ZNF683: variants seen among roughly 807,000 people sequenced by gnomAD.
ZNF683 encodes the protein tissue-resident T-cell transcription regulator protein ZNF683.
ZNF683 carries 20 observed loss-of-function variants against 31.4 expected under a neutral mutation model. That is an observed-to-expected ratio of 0.64 (90% confidence interval 0.45 to 0.93). The LOEUF (loss-of-function observed/expected upper bound fraction) is 0.93. ZNF683 is among the 40% of genes least tolerant of loss of function. The pLI is 0.00. For missense variants in ZNF683, 621 were observed against 637.2 expected (o/e 0.97, Z 0.27); for synonymous variants, 264 against 267.6 (o/e 0.99, Z 0.13).
intron 3 of ZNF683, 63 bp from the exon 4 acceptor site, chr1:26,365,289 A>G: frequency 6.7e-7 from 1 of 1,483,234 alleles, no homozygotes. Context: ...GTCCGCCATC[A>G]AACCTGCCCT....
chr1:26,367,159 G>A (rs1379835007), intron 3 of ZNF683, among the ~76,000 whole-genome samples: 1 of 152,040 alleles, frequency 6.6e-6, no homozygotes, highest in Non-Finnish European at 1.5e-5. Context: ...CAGCTACTCC[G>A]AGAGGCTGAG....
chr1:26,363,029 G>A lies in ZNF683; in HGVS notation c.1140C>T (p.Cys380=). Residue 380 remains cysteine (C), a synonymous_variant, in exon 5 of 6, where the codon TGC becomes TGT. Transcript: ENST00000349618. The part of the protein sequence containing the change: ...LVHTGERPHK[C]SVCHKRFSSS... ...AGTAGGGGGAGAAGGATCTCACCGA[G>A]CACTTGTGGGGCCGCTCCCCAGTGT... 6.2e-7 allele frequency: 1 copy of A among 1,609,616 alleles called. No individual in the cohort carries two copies. The highest frequency in any genetic ancestry group is 8.5e-7 in the Non-Finnish European group (1 of 1,177,680).
chr1:26,363,623 C>T (rs60769242), intron 4 of ZNF683, among the ~76,000 whole-genome samples: 3,447 of 150,992 alleles, frequency 0.023, 96 homozygotes, highest in African/African-American at 0.068. Flanking sequence ...TGAAAGTTAA[C>T]GAGGAGTGGT....
chr1:26,364,466 A>G, intron 4 of ZNF683, 66 bp downstream of exon 4: 1 of 1,575,936 alleles, frequency 6.3e-7, no homozygotes, highest in South Asian at 1.1e-5. Flanking sequence ...TTCTAGAAGC[A>G]GACTCGGGTG....
chr1:26,365,351 G>T, intron 3 of ZNF683, 125 bp from the exon 4 acceptor site: 1 of 1,015,486 alleles, frequency 9.8e-7, no homozygotes, highest in Non-Finnish European at 1.4e-6. Context: ...CATTTCTGTA[G>T]TGCTGAACAA....
Position 26,361,797 on chromosome 1 carries a change from C to A in ZNF683, c.1369G>T (p.Asp457Tyr), listed in dbSNP as rs1011947790. ...TTCTCAGATGCCACCGCCATAAGAT[C>A]TAGTGCCCCCTGGTGCCATTGGGCA... ...CLAQWHQGAL[D>Y]LMAVASEKHM... is the part of the protein sequence containing the mutation. The change falls in exon 6 of 6, where the codon GAT (aspartate) becomes TAT (tyrosine). Residue 457 changes from aspartate (D) to tyrosine (Y), a missense_variant. Transcript: ENST00000349618. The A allele has an allele frequency of 6.2e-7, 1 of 1,613,962 alleles. No individual in the cohort carries two copies. Among genetic ancestry groups the A allele is most frequent in the African/African-American group, 1.3e-5 (1 of 74,950 alleles).
chr1:26,368,695 T>C (rs998243980), intron 1 of ZNF683, 110 bp from the exon 2 acceptor site: 10 of 1,280,316 alleles, frequency 7.8e-6, no homozygotes, highest in Non-Finnish European at 1.0e-5. Context: ...GTTATTCATG[T>C]CCCTTCCTGG....
At chr1:26,369,516 A>C (rs528890170) in intron 1 of ZNF683, among the ~76,000 whole-genome samples, 40 of 152,056 alleles carry the variant, frequency 2.6e-4, no homozygotes, top group Non-Finnish European at 4.9e-4. Context: ...AAAACTACAT[A>C]AATTAGCCGG....
At position 26,368,575 on chromosome 1, in the gene ZNF683, C is replaced by T. The variant is rs759285368; in HGVS notation, c.-4G>A. ...GTGCAGCTGATTCTTCCTTCATATC[C>T]CCATTACCTGCTGGGAAACAGGTGA... On this transcript the variant is annotated 5_prime_UTR_variant, in exon 2 of 6. Coordinates refer to ENST00000349618, the MANE Select transcript of ZNF683 (RefSeq NM_001114759.3). The T allele has an allele frequency of 8.1e-6, 13 of 1,596,938 alleles. No homozygotes were observed. The South Asian group carries it at 1.4e-4, about 17-fold the overall frequency.
At chr1:26,373,576 CT>C (rs1159325898), upstream of ZNF683, among the ~76,000 whole-genome samples, 1 of 152,118 alleles carries the variant, frequency 6.6e-6, no homozygotes, top group Admixed American at 6.5e-5. Flanking sequence ...GGCCATGGTC[CT>C]GTCTACTTCC....
chr1:26,362,655 G>T (rs1258997996), intron 5 of ZNF683, among the ~76,000 whole-genome samples: 1 of 152,150 alleles, frequency 6.6e-6, no homozygotes, highest in African/African-American at 2.4e-5. Flanking sequence ...CTGCCCTTCT[G>T]ATTTCCCGAG....
chr1:26,363,290 A>G, intron 4 of ZNF683, 136 bp from the exon 5 acceptor site: 1 of 1,186,866 alleles, frequency 8.4e-7, no homozygotes. Flanking sequence ...AGGATACTCT[A>G]CTCTTTCTGC....
At position 26,361,791 on chromosome 1, in the gene ZNF683, T is replaced by C. The variant is rs2074388824; in HGVS notation, c.1375A>G (p.Met459Val). The change falls in exon 6 of 6, where the codon ATG (methionine) becomes GTG (valine). Residue 459 changes from methionine (M) to valine (V), a missense_variant. Transcript: ENST00000349618. Reference protein sequence around the residue: ...AQWHQGALDLMAVASEKHMGY... With the variant: ...AQWHQGALDLVAVASEKHMGY... The stretch of plus-strand genomic sequence containing the variant: ...ATGTGTTTCTCAGATGCCACCGCCA[T>C]AAGATCTAGTGCCCCCTGGTGCCAT... The C allele has an allele frequency of 3.7e-6, 6 of 1,614,030 alleles. No individual in the cohort carries two copies. The East Asian group carries it at 8.9e-5, about 24-fold the overall frequency.
Position 26,362,009 on chromosome 1 carries a change from C to T in ZNF683, c.1157G>A (p.Arg386His), listed in dbSNP as rs752122093. Residue 386 changes from arginine to histidine, a missense_variant, in exon 6 of 6, where the codon CGC becomes CAC. By Grantham distance (29) the Arg-to-His change is conservative (BLOSUM62 0). Transcript: ENST00000349618. ...CTTGAGGTTACTGGAGCTGCTGAAG[C>T]GCTTGTGGCACACCTGACGGGAACG... ...RPHKCSVCHK[R>H]FSSSSNLKTH... is the part of the protein sequence containing the mutation. 3.1e-6 allele frequency: 5 copies of T among 1,613,638 alleles called. No individual in the cohort carries two copies. Among genetic ancestry groups the T allele is most frequent in the South Asian group, 1.1e-5 (1 of 91,062 alleles).
chr1:26,369,492 A>G (rs1166838749), intron 1 of ZNF683, among the ~76,000 whole-genome samples: 1 of 151,880 alleles, frequency 6.6e-6, no homozygotes, highest in Non-Finnish European at 1.5e-5. Flanking sequence ...ACATGGTGAA[A>G]CCTCGTCTCT....
chr1:26,363,214 T>A, intron 4 of ZNF683, 60 bp from the exon 5 acceptor site: 1 of 1,556,410 alleles, frequency 6.4e-7, no homozygotes, highest in Non-Finnish European at 8.7e-7. Flanking sequence ...GGGCCTGAGG[T>A]CCTCTCCAAA....
At chr1:26,374,209 C>T (rs911467783), upstream of ZNF683, 4 of 1,297,618 alleles carry the variant, frequency 3.1e-6, no homozygotes, top group African/African-American at 6.1e-5. Flanking sequence ...TGCTGTCTTG[C>T]TGGGAATCAC....
Position 26,365,060 on chromosome 1 carries a change from C to G in ZNF683, c.486G>C (p.Gln162His). 1 of 1,605,882 alleles carries G rather than the reference C, an allele frequency of 6.2e-7. No individual in the cohort carries two copies. Among genetic ancestry groups the G allele is most frequent in the Non-Finnish European group, 8.5e-7 (1 of 1,176,428 alleles). The stretch of plus-strand genomic sequence containing the variant: ...CCAAGGGGCTGGGGCTCTTTCTGTT[C>G]TGCAGCGGTGGTGGGGAAGAGCTGT... ...SHNSSSPPPLQNRKSPSPLAF... is the reference protein window; with the variant it reads ...SHNSSSPPPLHNRKSPSPLAF... The change falls in exon 4 of 6, where the codon CAG (glutamine) becomes CAC (histidine). Residue 162 changes from glutamine (Q) to histidine (H), a missense_variant. Physicochemically the swap from Gln to His is conservative, Grantham distance 24 (BLOSUM62 0). Transcript: ENST00000349618.
chr1:26,361,696 G>A lies in ZNF683; in HGVS notation c.1470C>T (p.Ser490=), dbSNP rs181545740. ...CCATCACCAGGGGAGTCCCGGCACTGCTCAGGCTCACTGCTCTTGCTTTCC... is the reference window on the plus strand; with the variant it reads ...CCATCACCAGGGGAGTCCCGGCACTACTCAGGCTCACTGCTCTTGCTTTCC... The part of the protein sequence containing the change: ...SQGKARAVSL[S]SAGTPLVMGQ... The change falls in exon 6 of 6, where the codon AGC becomes AGT. Residue 490 remains serine, a synonymous_variant. Transcript: ENST00000349618. 9.2e-5 allele frequency: 148 copies of A among 1,613,996 alleles called. No individual in the cohort carries two copies. The Middle Eastern group carries it at 9.9e-4, about 11-fold the overall frequency.
Sources: allele counts gnomAD v4.1 joint callset (sites outside exome capture counted in the v4.1 genomes callset), GRCh38; gene constraint gnomAD v4.1.1; transcripts MANE v1.5; gene names NCBI Gene and HGNC (gene_info 2026-07-23, HGNC 2026-07-21).